The following SLC39A12 variants were observed in gnomAD, a reference collection of about 807,000 sequenced individuals.
SLC39A12 encodes the protein zinc transporter ZIP12.
In SLC39A12, 63 loss-of-function variants were observed where a neutral mutation model predicts 71.1. That is an observed-to-expected ratio of 0.89 (90% CI 0.72 to 1.09). The LOEUF is 1.09. Ranked by LOEUF, SLC39A12 falls within the 50% of genes least tolerant of loss-of-function variation. SLC39A12 has a pLI of 0.00. For synonymous variants in SLC39A12, 351 were observed against 301.3 expected, an observed-to-expected ratio of 1.16 and a Z score of -1.71; for missense variants, 892 against 812.6, an observed-to-expected ratio of 1.10 and a Z score of -1.19.
Position 18,019,790 on chromosome 10 carries a change from T to C in SLC39A12, c.1947+16432T>C, listed in dbSNP as rs144692022. ...TAGAAGTTGTATGACTTCTATTATT[T>C]TAAATTTGTTAAGGTCAGTCTTATA... is the stretch of plus-strand genomic sequence containing the variant. On this transcript the variant is annotated intron_variant, in intron 12 of 12. Transcript: ENST00000377369. Among the ~76,000 whole-genome samples, 146 of 152,200 alleles carry C rather than the reference T, an allele frequency of 9.6e-4. 1 individual carries two copies. The highest frequency in any genetic ancestry group is 2.8e-3 in the African/African-American group (115 of 41,556).
intron 4 of SLC39A12, 38 bp from the exon 5 acceptor site, chr10:17,977,864 T>C: frequency 6.7e-7 from 1 of 1,483,402 alleles, no homozygotes; most frequent in Non-Finnish European, 9.0e-7. Context: ...GGAACTTATC[T>C]ATTCTATGTG....
rs527556657 is a variant in SLC39A12 at position 17,976,194 on chromosome 10, A to G, written c.752-1708A>G. 3.9e-5 allele frequency among the ~76,000 whole-genome samples: 6 copies of G among 152,026 alleles called. No individual in the cohort carries two copies. The South Asian group carries it at 8.3e-4, about 21-fold the overall frequency. ...CTTTTCTTGTGTAGATAGTTGTTAAATTGGTGTCCTTGTGGGGAGATGATT... is the reference window on the plus strand; with the variant it reads ...CTTTTCTTGTGTAGATAGTTGTTAAGTTGGTGTCCTTGTGGGGAGATGATT... On this transcript the variant is annotated intron_variant, in intron 4 of 12. Transcript: ENST00000377369.
At chr10:18,041,527 T>C (rs1837224590) in intron 12 of SLC39A12, among the ~76,000 whole-genome samples, 1 of 61,474 alleles carries the variant, frequency 1.6e-5, no homozygotes, top group East Asian at 4.8e-4. Flanking sequence ...TATATATATG[T>C]ATATATATAC....
At chr10:18,012,520 G>A (rs12355062) in intron 12 of SLC39A12, among the ~76,000 whole-genome samples, 14,774 of 152,002 alleles carry the variant, frequency 0.097, 1,100 homozygotes, top group East Asian at 0.22. Flanking sequence ...ACTTCCCTCC[G>A]TCTTGTTTAC....
At position 18,040,868 on chromosome 10, in the gene SLC39A12, A is replaced by G. The variant is rs922376006; in HGVS notation, c.1948-1837A>G. On this transcript the variant is annotated intron_variant, in intron 12 of 12. Transcript: ENST00000377369. ...GATAAAATAATCTGAGTCGTTCTCT[A>G]CTGGAGGTGATTTTTATCCCCCAGA... Among the ~76,000 whole-genome samples, 6 of 151,814 alleles carry G rather than the reference A, an allele frequency of 4.0e-5. No individual in the cohort carries two copies. In the East Asian group the frequency reaches 9.7e-4, roughly 24 times the overall value.
chr10:17,992,802 A>T (rs1039370568), intron 8 of SLC39A12, among the ~76,000 whole-genome samples: 2 of 152,234 alleles, frequency 1.3e-5, no homozygotes, highest in African/African-American at 2.4e-5. Context: ...TAAAAGGAAT[A>T]CGTATGTTTT....
At chr10:17,968,096 A>G (rs1834879629) in intron 4 of SLC39A12, among the ~76,000 whole-genome samples, 1 of 149,372 alleles carries the variant, frequency 6.7e-6, no homozygotes, top group Non-Finnish European at 1.5e-5. Flanking sequence ...TGTGTTTCTA[A>G]TTTTTATAGG....
chr10:18,017,185 T>C (rs1836408621), intron 12 of SLC39A12, among the ~76,000 whole-genome samples: 1 of 152,224 alleles, frequency 6.6e-6, no homozygotes, highest in Admixed American at 6.5e-5. Flanking sequence ...ATAGATCATG[T>C]CTTTAGCATC....
At chr10:18,008,225 T>G (rs1161792053) in intron 12 of SLC39A12, among the ~76,000 whole-genome samples, 8 of 152,182 alleles carry the variant, frequency 5.3e-5, no homozygotes. Context: ...CGCTCTGCAT[T>G]GCTCACCTGA....
At chr10:17,956,344 G>A (rs1470178280) in intron 2 of SLC39A12, among the ~76,000 whole-genome samples, 3 of 152,068 alleles carry the variant, frequency 2.0e-5, no homozygotes, top group Non-Finnish European at 4.4e-5. Context: ...CATGTTCTTA[G>A]GAATCAGATC....
At chr10:17,979,763 A>T (rs1835206637) in intron 5 of SLC39A12, among the ~76,000 whole-genome samples, 3 of 152,156 alleles carry the variant, frequency 2.0e-5, no homozygotes, top group Non-Finnish European at 2.9e-5. Context: ...GAACAGCTTT[A>T]TTCCATCTCC....
chr10:18,026,219 T>C (rs1332774841), intron 12 of SLC39A12, among the ~76,000 whole-genome samples: 1 of 152,206 alleles, frequency 6.6e-6, no homozygotes, highest in Admixed American at 6.5e-5. Flanking sequence ...ATTTTTAACA[T>C]TTCTCAGAAG....
intron 12 of SLC39A12, among the ~76,000 whole-genome samples, chr10:18,042,203 G>A (rs1837275585): frequency 6.6e-6 from 1 of 152,126 alleles, no homozygotes; most frequent in Non-Finnish European, 1.5e-5. Flanking sequence ...AAGGCCAGGT[G>A]CAGTGGCTCA....
intron 12 of SLC39A12, among the ~76,000 whole-genome samples, chr10:18,032,706 G>T (rs1836883855): frequency 6.6e-6 from 1 of 151,926 alleles, no homozygotes; most frequent in Non-Finnish European, 1.5e-5. Flanking sequence ...AGTGGTGAGG[G>T]AGGGCATCCC....
chr10:17,978,100 A>C (rs770992084), intron 5 of SLC39A12, 26 bp downstream of exon 5: 2 of 1,525,142 alleles, frequency 1.3e-6, no homozygotes, highest in East Asian at 4.8e-5. Flanking sequence ...CTCTTATTCA[A>C]GCATTTGCTA....
chr10:17,994,688 A>G (rs142300204), intron 9 of SLC39A12, among the ~76,000 whole-genome samples: 6 of 152,288 alleles, frequency 3.9e-5, no homozygotes, highest in African/African-American at 1.2e-4. Flanking sequence ...TCTGTATCCT[A>G]CAGGCTCTAC....
At chr10:18,022,153 A>C (rs1009031788) in intron 12 of SLC39A12, among the ~76,000 whole-genome samples, 2 of 152,084 alleles carry the variant, frequency 1.3e-5, no homozygotes, top group African/African-American at 4.8e-5. Context: ...AATTTTCTGA[A>C]TTTGAATGTC....
intron 9 of SLC39A12, 113 bp downstream of exon 9, chr10:17,993,404 G>T: frequency 1.3e-6 from 1 of 777,798 alleles, no homozygotes; most frequent in South Asian, 1.8e-5. Context: ...CTCCTGATTT[G>T]CCGGTTCTTA....
At chr10:17,989,828 G>A (rs528295216) in intron 7 of SLC39A12, among the ~76,000 whole-genome samples, 103 of 152,094 alleles carry the variant, frequency 6.8e-4, no homozygotes, top group African/African-American at 2.4e-3. Flanking sequence ...TGAGGCAGGA[G>A]AATCGCTTGA....
Sources: allele counts gnomAD v4.1 joint callset (sites outside exome capture counted in the v4.1 genomes callset), GRCh38; gene constraint gnomAD v4.1.1; transcripts MANE v1.5; gene names NCBI Gene and HGNC (gene_info 2026-07-23, HGNC 2026-07-21).